The following TTC6 variants were observed in gnomAD, a reference collection of about 807,000 sequenced individuals.
TTC6 encodes tetratricopeptide repeat domain 6.
Under a neutral mutation model 210.4 loss-of-function variants are expected in TTC6, and 172 were observed. The observed-to-expected ratio is 0.82, with a 90% CI of 0.72 to 0.93. TTC6 has a LOEUF of 0.93. Among genes scored for constraint, TTC6 ranks in the 40% least tolerant of loss-of-function variants. The pLI, the probability that TTC6 is intolerant of heterozygous loss-of-function variation, is 0.00. For synonymous variants in TTC6, 804 were observed against 819.6 expected (o/e 0.98, Z 0.32); for missense variants, 2,414 against 2,318.1 (o/e 1.04, Z -0.85).
At chr14:37,774,983 AATTT>A (rs1325150479) in intron 14 of TTC6, among the ~76,000 whole-genome samples, 2 of 152,004 alleles carry the variant, frequency 1.3e-5, no homozygotes, top group African/African-American at 4.8e-5. Flanking sequence ...TGTTTCCAGG[AATTT>A]ATTCATTTCC....
At position 37,841,595 on chromosome 14, in the gene TTC6, G is replaced by A. The variant is rs1174063372; in HGVS notation, c.5449G>A (p.Ala1817Thr). Residue 1817 changes from alanine to threonine, a missense_variant, in exon 30 of 31, where the codon GCA (alanine) becomes ACA (threonine). Physicochemically the swap from Ala to Thr is moderately conservative, Grantham distance 58. Coordinates refer to ENST00000553443, the Ensembl canonical transcript of TTC6. The stretch of plus-strand genomic sequence containing the variant: ...AATTGAAAGCTGTCCCTTTTGGGCT[G>A]CAGTATATTTTAATAGAGCACATTT... 4.4e-6 allele frequency: 7 copies of A among 1,606,306 alleles called. No homozygotes were observed. The South Asian group carries it at 7.9e-5, about 18-fold the overall frequency.
intron 1 of TTC6, among the ~76,000 whole-genome samples, chr14:37,660,825 C>T (rs1274266371): frequency 6.6e-6 from 1 of 152,196 alleles, no homozygotes; most frequent in Admixed American, 6.5e-5. Context: ...GTTCCCATTT[C>T]TCCACAGCTG....
At chr14:37,826,275 A>C in exon 28 of TTC6, 3 of 1,612,870 alleles carry the variant, frequency 1.9e-6, no homozygotes, top group Non-Finnish European at 2.5e-6. Context: ...TAGCCTATGA[A>C]GGAAGAGCTG....
chr14:37,735,339 G>T (rs565195811), intron 7 of TTC6, among the ~76,000 whole-genome samples: 134 of 152,160 alleles, frequency 8.8e-4, no homozygotes, highest in African/African-American at 3.2e-3. Flanking sequence ...TCGAATTTAG[G>T]TCTTCTAGGT....
chr14:37,786,792 A>C (rs2139302888), intron 14 of TTC6, among the ~76,000 whole-genome samples: 1 of 152,308 alleles, frequency 6.6e-6, no homozygotes, highest in Admixed American at 6.5e-5. Context: ...ATTTCTTCTA[A>C]GTAGGCAACC....
At chr14:37,601,593 G>A (rs1594991370) in intron 1 of TTC6, among the ~76,000 whole-genome samples, 1 of 152,256 alleles carries the variant, frequency 6.6e-6, no homozygotes, top group Non-Finnish European at 1.5e-5. Flanking sequence ...GATGGACTGA[G>A]TGAAGAATTG....
intron 14 of TTC6, among the ~76,000 whole-genome samples, chr14:37,767,030 A>G (rs1435801758): frequency 6.6e-6 from 1 of 151,926 alleles, no homozygotes; most frequent in Non-Finnish European, 1.5e-5. Context: ...ATTCCCACCT[A>G]TGAGTGAGAA....
intron 17 of TTC6, among the ~76,000 whole-genome samples, chr14:37,794,082 A>C (rs941813050): frequency 6.6e-6 from 1 of 152,156 alleles, no homozygotes; most frequent in Non-Finnish European, 1.5e-5. Flanking sequence ...AGCTTGTGAG[A>C]TCTGCGAATG....
In TTC6 at chr14:37,773,277, C is replaced by T. The variant is rs1595239019; in HGVS notation, c.3267-14191C>T. On this transcript the variant is annotated intron_variant, in intron 14 of 30. Coordinates refer to ENST00000553443, the Ensembl canonical transcript of TTC6. ...CAGAAGCTCTTTAGTTTAATTAGGT[C>T]CCATTTGTCAACTTTGTTTTTGTTG... is the stretch of plus-strand genomic sequence containing the variant. Among the ~76,000 whole-genome samples, 4 of 152,218 alleles carry T rather than the reference C, an allele frequency of 2.6e-5. No individual in the cohort carries two copies. In the South Asian group the frequency reaches 8.3e-4, roughly 32 times the overall value.
At chr14:37,641,086 G>C (rs914406938) in intron 1 of TTC6, among the ~76,000 whole-genome samples, 7 of 152,144 alleles carry the variant, frequency 4.6e-5, no homozygotes, top group African/African-American at 1.7e-4. Flanking sequence ...ATTTAAAACA[G>C]TTGCTTAACA....
intron 14 of TTC6, among the ~76,000 whole-genome samples, chr14:37,758,165 GT>G (rs1331819752): frequency 1.3e-5 from 2 of 152,176 alleles, no homozygotes; most frequent in Non-Finnish European, 2.9e-5. Context: ...TGTTGATTTG[GT>G]GTGGAGAGTT....
chr14:37,807,505 A>C, intron 23 of TTC6, 45 bp downstream of exon 25: 1 of 1,429,000 alleles, frequency 7.0e-7, no homozygotes, highest in Non-Finnish European at 9.3e-7. Context: ...TAGGGTGGGC[A>C]GATTCTCTTA....
At chr14:37,758,297 A>G (rs1275396234) in intron 14 of TTC6, among the ~76,000 whole-genome samples, 1 of 152,138 alleles carries the variant, frequency 6.6e-6, no homozygotes. Context: ...GTCTCCCATT[A>G]TTATTGTGTG....
chr14:37,732,720 G>A (rs1305566408), intron 7 of TTC6, among the ~76,000 whole-genome samples: 1 of 151,326 alleles, frequency 6.6e-6, no homozygotes, highest in African/African-American at 2.4e-5. Context: ...CTGGGTTCAC[G>A]CCATTCTCTG....
Position 37,643,285 on chromosome 14 carries a change from G to A in TTC6, c.939+20282G>A, listed in dbSNP as rs983890836. On this transcript the variant is annotated intron_variant, in intron 1 of 30. Transcript: ENST00000553443. ...ATTGCACCATTGCACTCCAGCCTGG[G>A]TGACACAGTAAGACTGTGTCTCAAA... Among the ~76,000 whole-genome samples the A allele has an allele frequency of 2.6e-5, 4 of 152,132 alleles. No homozygotes were observed. In the South Asian group the frequency reaches 6.2e-4, roughly 24 times the overall value.
At position 37,749,705 on chromosome 14, in the gene TTC6, A is replaced by C; in HGVS notation, c.2827-9A>C. The C allele has an allele frequency of 7.4e-7, 1 of 1,357,380 alleles. No homozygotes were observed. Among genetic ancestry groups the C allele is most frequent in the Admixed American group, 3.5e-5 (1 of 28,704 alleles). The allele number at this position is 1,357,380 out of a possible 1,614,324, so 84.1% of individuals were successfully genotyped here. The stretch of plus-strand genomic sequence containing the variant: ...CAACTTTAACTGAATTTTTACATAT[A>C]TTTTCTAGGTAATACTCTTGGAACC... On this transcript the variant is annotated splice_polypyrimidine_tract_variant and intron_variant, in intron 11 of 30. Coordinates refer to ENST00000553443, the Ensembl canonical transcript of TTC6.
At chr14:37,639,672 A>G (rs929139620) in intron 1 of TTC6, among the ~76,000 whole-genome samples, 6 of 149,566 alleles carry the variant, frequency 4.0e-5, no homozygotes, top group Non-Finnish European at 7.4e-5. Flanking sequence ...GGAATTCGAG[A>G]CCAGCCTGGG....
At position 37,751,394 on chromosome 14, in the gene TTC6, CTA is replaced by C. The variant is rs745719779; in HGVS notation, c.3129+171_3129+172del. Among the ~76,000 whole-genome samples, 5 of 152,218 alleles carry C rather than the reference CTA, an allele frequency of 3.3e-5. No homozygotes were observed. The East Asian group carries it at 5.8e-4, about 18-fold the overall frequency. On this transcript the variant is annotated intron_variant, in intron 13 of 30. Coordinates refer to ENST00000553443, the Ensembl canonical transcript of TTC6. ...TTCATTACTGGAATTAATATTAACA[CTA>C]TGTTAATTATTATTTTTTAAATGGT...
chr14:37,787,515 C>A, exon 15 of TTC6: 3 of 1,529,758 alleles, frequency 2.0e-6, no homozygotes, highest in Non-Finnish European at 2.6e-6. Context: ...TATAAAGAAG[C>A]AACTCAAGAT....
Sources: allele counts gnomAD v4.1 joint callset (sites outside exome capture counted in the v4.1 genomes callset), GRCh38; gene constraint gnomAD v4.1.1; transcripts MANE v1.5; gene names NCBI Gene and HGNC (gene_info 2026-07-23, HGNC 2026-07-21).